The following CNTN4 variants were observed in gnomAD, a reference collection of about 807,000 sequenced individuals.
CNTN4 encodes contactin-4.
Under a neutral mutation model 122.5 loss-of-function variants are expected in CNTN4, and 77 were observed. The ratio of observed to expected loss-of-function variants is 0.63; its 90% CI spans 0.52 to 0.76. CNTN4 has a LOEUF of 0.76. CNTN4 is among the 30% of genes least tolerant of loss of function. The pLI, the probability that CNTN4 is intolerant of heterozygous loss-of-function variation, is 0.00. For synonymous variants in CNTN4, 512 were observed against 447.0 expected, an observed-to-expected ratio of 1.15 and a Z score of -1.83; for missense variants, 1,256 against 1,259.1, an observed-to-expected ratio of 1.00 and a Z score of 0.04.
chr3:2,561,563 GC>G (rs1223738554), intron 3 of CNTN4, among the ~76,000 whole-genome samples: 1 of 151,970 alleles, frequency 6.6e-6, no homozygotes, highest in African/African-American at 2.4e-5. Flanking sequence ...TCCTTCCACT[GC>G]TTGCCCCTCT....
intron 14 of CNTN4, among the ~76,000 whole-genome samples, chr3:3,004,326 C>T (rs1450634612): frequency 1.3e-5 from 2 of 152,140 alleles, no homozygotes; most frequent in Non-Finnish European, 2.9e-5. Context: ...ACTCTGATAA[C>T]AGCCCTCCAC....
chr3:2,667,257 T>G (rs2084223375), intron 4 of CNTN4, among the ~76,000 whole-genome samples: 1 of 152,158 alleles, frequency 6.6e-6, no homozygotes, highest in African/African-American at 2.4e-5. Flanking sequence ...CACCTGCTGT[T>G]TCCTGACTTT....
chr3:2,910,005 C>T lies in CNTN4; in HGVS notation c.1207+7000C>T, dbSNP rs541714353. Among the ~76,000 whole-genome samples the T allele has an allele frequency of 3.9e-5, 6 of 152,310 alleles. No individual in the cohort carries two copies. In the South Asian group the frequency reaches 1.0e-3, roughly 26 times the overall value. On this transcript the variant is annotated intron_variant, in intron 12 of 24. Transcript: ENST00000418658. ...ATCTGATTTTGGATCAAAAAGCACT[C>T]TGAATCCGAAGTACCCCTGTATGAG...
At chr3:2,202,276 C>G (rs909164333) in intron 2 of CNTN4, among the ~76,000 whole-genome samples, 11 of 152,186 alleles carry the variant, frequency 7.2e-5, no homozygotes, top group Non-Finnish European at 1.3e-4. Flanking sequence ...TTTAAGGTTC[C>G]TAGTTCTTAT....
chr3:2,333,587 A>G (rs2043823600), intron 2 of CNTN4, among the ~76,000 whole-genome samples: 1 of 151,998 alleles, frequency 6.6e-6, no homozygotes. Flanking sequence ...ATCATCTTGT[A>G]TTTTGTTTAC....
At chr3:2,582,596 C>G (rs2079994424) in intron 4 of CNTN4, among the ~76,000 whole-genome samples, 1 of 152,142 alleles carries the variant, frequency 6.6e-6, no homozygotes, top group Admixed American at 6.5e-5. Context: ...AGTGAACTCT[C>G]TCATGTTAAT....
chr3:2,991,987 T>G (rs922018313), intron 14 of CNTN4, among the ~76,000 whole-genome samples: 2 of 152,186 alleles, frequency 1.3e-5, no homozygotes, highest in African/African-American at 2.4e-5. Flanking sequence ...CTAACCTTTT[T>G]ACAATAGTTC....
intron 2 of CNTN4, among the ~76,000 whole-genome samples, chr3:2,184,803 C>T: frequency 6.6e-6 from 1 of 152,144 alleles, no homozygotes; most frequent in East Asian, 1.9e-4. Context: ...TGGTCTTGGA[C>T]TTCCCAGCCT....
At chr3:2,200,879 G>C (rs2038066901) in intron 2 of CNTN4, among the ~76,000 whole-genome samples, 2 of 152,122 alleles carry the variant, frequency 1.3e-5, no homozygotes, top group African/African-American at 4.8e-5. Context: ...TGGGCTTCAA[G>C]AATTTTTTTG....
intron 2 of CNTN4, among the ~76,000 whole-genome samples, chr3:2,294,907 TGTGA>T (rs2042254501): frequency 1.3e-5 from 2 of 151,848 alleles, no homozygotes; most frequent in South Asian, 4.2e-4. Flanking sequence ...AATTCCCACC[TGTGA>T]GTGAGAACAT....
chr3:2,401,829 A>G (rs957571622), intron 3 of CNTN4, among the ~76,000 whole-genome samples: 3 of 152,176 alleles, frequency 2.0e-5, no homozygotes, highest in Non-Finnish European at 4.4e-5. Context: ...ACCGCAGTGC[A>G]TTGCCAGGTA....
At chr3:2,336,080 T>C (rs1054660934) in intron 2 of CNTN4, among the ~76,000 whole-genome samples, 1 of 152,150 alleles carries the variant, frequency 6.6e-6, no homozygotes, top group African/African-American at 2.4e-5. Flanking sequence ...TGATGAGTGG[T>C]ATGCTAAAGA....
chr3:2,622,355 C>T (rs2082022140), intron 4 of CNTN4, among the ~76,000 whole-genome samples: 2 of 152,128 alleles, frequency 1.3e-5, no homozygotes, highest in African/African-American at 4.8e-5. Context: ...ACTTTTTTGA[C>T]ATCTCTGCTC....
Position 3,053,957 on chromosome 3 carries a change from C to T in CNTN4, c.2962C>T (p.Arg988Ter), listed in dbSNP as rs1701529278. The change falls in exon 24 of 25, where the codon CGA becomes TGA. Residue 988 changes from arginine to a stop codon, truncating the protein, a stop_gained. Coordinates refer to ENST00000418658, the MANE Select transcript of CNTN4 (RefSeq NM_175607.3). LOFTEE classifies it high-confidence loss of function. ...GGDGSSSEQIRIPKISNAYAR... is the reference protein window; with the variant it reads ...GGDGSSSEQI ...AGATGGCAGCAGCAGTGAACAAATT[C>T]GAATTCCAAAGATATCAAGTGAGAA... 5 of 1,614,026 alleles carry T rather than the reference C, an allele frequency of 3.1e-6. No homozygotes were observed. The highest frequency in any genetic ancestry group is 2.2e-5 in the East Asian group (1 of 44,894).
intron 2 of CNTN4, among the ~76,000 whole-genome samples, chr3:2,200,124 G>T (rs1190245423): frequency 1.3e-5 from 2 of 152,138 alleles, no homozygotes; most frequent in Admixed American, 1.3e-4. Flanking sequence ...AGGATAAAGA[G>T]ATGGTAGGGA....
intron 2 of CNTN4, among the ~76,000 whole-genome samples, chr3:2,238,123 C>T (rs948949118): frequency 8.6e-5 from 13 of 151,512 alleles, no homozygotes; most frequent in Non-Finnish European, 1.8e-4. Flanking sequence ...TTTAAATTTG[C>T]AGGCTATGAA....
At chr3:2,193,354 A>G (rs1659949309) in intron 2 of CNTN4, among the ~76,000 whole-genome samples, 1 of 152,184 alleles carries the variant, frequency 6.6e-6, no homozygotes, top group African/African-American at 2.4e-5. Context: ...AGAAGGAAAA[A>G]AAAAAGCCAC....
chr3:2,524,753 G>A (rs932997801), intron 3 of CNTN4, among the ~76,000 whole-genome samples: 3 of 152,078 alleles, frequency 2.0e-5, no homozygotes, highest in African/African-American at 7.2e-5. Flanking sequence ...TACTAGGCAG[G>A]AAGTTAAATT....
At chr3:2,427,647 G>T (rs1291133612) in intron 3 of CNTN4, among the ~76,000 whole-genome samples, 1 of 151,984 alleles carries the variant, frequency 6.6e-6, no homozygotes, top group African/African-American at 2.4e-5. Context: ...CTGCCTCATG[G>T]ATCTGTCTAA....
Sources: allele counts gnomAD v4.1 joint callset (sites outside exome capture counted in the v4.1 genomes callset), GRCh38; gene constraint gnomAD v4.1.1; transcripts MANE v1.5; gene names NCBI Gene and HGNC (gene_info 2026-07-23, HGNC 2026-07-21).